The following MAGI2 variants were observed in gnomAD, a reference collection of about 807,000 sequenced individuals.
MAGI2 encodes membrane associated guanylate kinase, WW and PDZ domain containing 2.
In MAGI2, 35 loss-of-function variants were observed where a neutral mutation model predicts 133.3. That is an observed-to-expected ratio of 0.26 (90% CI 0.20 to 0.35). MAGI2 has a LOEUF of 0.35. MAGI2 is among the 10% of genes least tolerant of loss of function. The pLI is 1.00. For synonymous variants in MAGI2, 729 were observed against 710.6 expected, an observed-to-expected ratio of 1.03 and a Z score of -0.41; for missense variants, 1,636 against 1,863.4, an observed-to-expected ratio of 0.88 and a Z score of 2.25.
At chr7:78,217,401 CAAT>C (rs1371127188) in intron 10 of MAGI2, among the ~76,000 whole-genome samples, 1 of 152,072 alleles carries the variant, frequency 6.6e-6, no homozygotes, top group East Asian at 1.9e-4. Flanking sequence ...GGTAGGTGCT[CAAT>C]AAATACTTGT....
chr7:78,457,144 C>A (rs1386574663), intron 6 of MAGI2, among the ~76,000 whole-genome samples: 1 of 152,322 alleles, frequency 6.6e-6, no homozygotes, highest in African/African-American at 2.4e-5. Flanking sequence ...CTGCTTTCCA[C>A]CTACTAGCCC....
chr7:78,818,041 C>T (rs1393214984), intron 2 of MAGI2, among the ~76,000 whole-genome samples: 1 of 152,070 alleles, frequency 6.6e-6, no homozygotes, highest in Non-Finnish European at 1.5e-5. Context: ...CTGAGTTGTG[C>T]CTGTATGGTA....
At chr7:78,495,088 G>T (rs925832462) in intron 5 of MAGI2, among the ~76,000 whole-genome samples, 2 of 152,168 alleles carry the variant, frequency 1.3e-5, no homozygotes, top group Non-Finnish European at 2.9e-5. Flanking sequence ...AGTAGTAACA[G>T]ATTGATGAAT....
intron 2 of MAGI2, among the ~76,000 whole-genome samples, chr7:78,906,767 G>T (rs147598563): frequency 2.3e-3 from 315 of 135,402 alleles, no homozygotes; most frequent in African/African-American, 9.7e-3. Context: ...CATCTCTAGG[G>T]TCAGTTTCTA....
At chr7:79,164,089 C>G (rs1489400348) in intron 1 of MAGI2, among the ~76,000 whole-genome samples, 1 of 151,962 alleles carries the variant, frequency 6.6e-6, no homozygotes, top group Non-Finnish European at 1.5e-5. Context: ...TTCCTAGCAC[C>G]CTGAGACCTG....
chr7:79,387,353 G>A (rs1373276177), intron 1 of MAGI2, among the ~76,000 whole-genome samples: 2 of 151,866 alleles, frequency 1.3e-5, no homozygotes, highest in African/African-American at 2.4e-5. Context: ...TAAGGCTTTC[G>A]ATTACCACTT....
intron 10 of MAGI2, chr7:78,253,598 C>T (rs1028743102): frequency 1.3e-5 from 2 of 152,114 alleles, no homozygotes; most frequent in African/African-American, 4.8e-5. Context: ...TATATATATT[C>T]ATACACGTGC....
intron 1 of MAGI2, among the ~76,000 whole-genome samples, chr7:79,274,725 G>T (rs1835113872): frequency 6.6e-6 from 1 of 152,046 alleles, no homozygotes; most frequent in Non-Finnish European, 1.5e-5. Flanking sequence ...ACAAATTGAA[G>T]GTTGTGTCAA....
intron 1 of MAGI2, among the ~76,000 whole-genome samples, chr7:79,210,922 G>C (rs1307380921): frequency 6.6e-6 from 1 of 151,942 alleles, no homozygotes; most frequent in Non-Finnish European, 1.5e-5. Flanking sequence ...CCATGAGTTT[G>C]TTTGGGATGG....
chr7:79,172,722 T>C (rs905057318), intron 1 of MAGI2, among the ~76,000 whole-genome samples: 2 of 152,072 alleles, frequency 1.3e-5, no homozygotes, highest in Non-Finnish European at 2.9e-5. Flanking sequence ...CAATAAAGCA[T>C]TGGAGATGTG....
intron 1 of MAGI2, among the ~76,000 whole-genome samples, chr7:79,153,604 C>T (rs532502752): frequency 3.2e-4 from 49 of 152,250 alleles, no homozygotes; most frequent in Middle Eastern, 3.4e-3. Context: ...AGGTGAGTTA[C>T]GGCTGGAGGA....
Position 78,779,560 on chromosome 7 carries a change from G to A in MAGI2, c.419-152321C>T, listed in dbSNP as rs759820683. Among the ~76,000 whole-genome samples, 3 of 152,086 alleles carry A rather than the reference G, an allele frequency of 2.0e-5. 1 individual carries two copies. Among genetic ancestry groups the A allele is most frequent in the Admixed American group, 2.0e-4 (3 of 15,272 alleles). ...TTGGTACCACAGAATAGTTGAGAAA[G>A]TTTTGACTGAATCACTCTGTTAGGA... On this transcript the variant is annotated intron_variant, in intron 2 of 21. Transcript: ENST00000354212.
intron 4 of MAGI2, among the ~76,000 whole-genome samples, chr7:78,507,385 T>C (rs998174675): frequency 2.6e-5 from 4 of 152,150 alleles, no homozygotes; most frequent in African/African-American, 9.7e-5. Context: ...GTAGAATCTG[T>C]TCCCAGAAGG....
chr7:78,216,948 G>T (rs1788334844), intron 10 of MAGI2, among the ~76,000 whole-genome samples: 1 of 152,216 alleles, frequency 6.6e-6, no homozygotes, highest in African/African-American at 2.4e-5. Flanking sequence ...GGCCTCTGGA[G>T]TTGGCTGGAA....
chr7:78,779,389 GA>G, intron 2 of MAGI2, among the ~76,000 whole-genome samples: 1 of 152,280 alleles, frequency 6.6e-6, no homozygotes, highest in East Asian at 1.9e-4. Context: ...TTAGTCAAGT[GA>G]ATTACTTTCC....
intron 1 of MAGI2, among the ~76,000 whole-genome samples, chr7:79,286,094 A>G (rs1179138826): frequency 1.3e-5 from 2 of 152,070 alleles, no homozygotes; most frequent in Non-Finnish European, 2.9e-5. Flanking sequence ...GGGGAAGAAG[A>G]GTAAGGAAAG....
chr7:78,659,896 T>C (rs1055927952), intron 2 of MAGI2, among the ~76,000 whole-genome samples: 1 of 152,126 alleles, frequency 6.6e-6, no homozygotes, highest in Non-Finnish European at 1.5e-5. Context: ...TAACTGAAGG[T>C]AGTATTTAAC....
intron 7 of MAGI2, among the ~76,000 whole-genome samples, chr7:78,353,829 G>A (rs112265242): frequency 1.5e-4 from 23 of 152,306 alleles, no homozygotes; most frequent in African/African-American, 5.3e-4. Context: ...CAATGTGGGA[G>A]CAAGAGGCGT....
intron 6 of MAGI2, among the ~76,000 whole-genome samples, chr7:78,400,081 G>C (rs1036139749): frequency 9.2e-5 from 14 of 152,120 alleles, no homozygotes; most frequent in African/African-American, 3.1e-4. Context: ...GATTTGTGCA[G>C]TTTTCTGCCT....
Sources: allele counts gnomAD v4.1 joint callset (sites outside exome capture counted in the v4.1 genomes callset), GRCh38; gene constraint gnomAD v4.1.1; transcripts MANE v1.5; gene names NCBI Gene and HGNC (gene_info 2026-07-23, HGNC 2026-07-21).